Variants in CSMD3 observed in about 807,000 individuals in gnomAD.
CSMD3 encodes CUB and Sushi multiple domains 3.
In CSMD3, 177 loss-of-function variants were observed where a neutral mutation model predicts 435.2. The observed-to-expected ratio is 0.41, with a 90% CI of 0.36 to 0.46. The LOEUF (loss-of-function observed/expected upper bound fraction) is 0.46. Ranked by LOEUF, CSMD3 falls within the 20% of genes least tolerant of loss-of-function variation. The probability of loss-of-function intolerance (pLI) is 0.34; values close to 1 mark genes in which losing one functional copy is unlikely to be tolerated. For synonymous variants in CSMD3, 1,656 were observed against 1,520.5 expected, an observed-to-expected ratio of 1.09 and a Z score of -2.07; for missense variants, 4,265 against 4,504.6, an observed-to-expected ratio of 0.95 and a Z score of 1.52.
At chr8:112,513,797 T>C (rs1306527302) in intron 28 of CSMD3, among the ~76,000 whole-genome samples, 1 of 152,162 alleles carries the variant, frequency 6.6e-6, no homozygotes, top group African/African-American at 2.4e-5. Context: ...TAGCAAAATG[T>C]TCTTTGTGAT....
At chr8:112,698,695 A>G (rs112058057) in intron 13 of CSMD3, among the ~76,000 whole-genome samples, 2,928 of 152,280 alleles carry the variant, frequency 0.019, 53 homozygotes, top group Middle Eastern at 0.048. Flanking sequence ...GCAGAGTACA[A>G]CACATTGAAT....
intron 27 of CSMD3, among the ~76,000 whole-genome samples, chr8:112,540,774 T>C (rs1826593713): frequency 6.6e-6 from 1 of 151,950 alleles, no homozygotes; most frequent in Non-Finnish European, 1.5e-5. Context: ...TACTAGATAC[T>C]GGGAATTGCA....
chr8:112,396,517 G>A (rs1366358118), intron 35 of CSMD3, among the ~76,000 whole-genome samples: 1 of 152,126 alleles, frequency 6.6e-6, no homozygotes, highest in Non-Finnish European at 1.5e-5. Context: ...TTTAAGCAAG[G>A]AAACTATGCA....
At chr8:112,826,153 T>A (rs1319945886) in intron 12 of CSMD3, among the ~76,000 whole-genome samples, 2 of 152,160 alleles carry the variant, frequency 1.3e-5, no homozygotes, top group South Asian at 2.1e-4. Context: ...CTATGGGGGA[T>A]ACCTCTTGAG....
intron 32 of CSMD3, among the ~76,000 whole-genome samples, chr8:112,413,536 T>A (rs1386175877): frequency 6.6e-6 from 1 of 152,178 alleles, no homozygotes; most frequent in Non-Finnish European, 1.5e-5. Flanking sequence ...AAGAAACTCT[T>A]GAGCATTAGC....
chr8:112,738,613 G>A (rs1177228093), intron 13 of CSMD3, among the ~76,000 whole-genome samples: 2 of 151,642 alleles, frequency 1.3e-5, no homozygotes, highest in East Asian at 3.9e-4. Flanking sequence ...GAAAAAAATG[G>A]TTCTCAATAT....
At chr8:112,317,442 T>A (rs1376810409) in intron 47 of CSMD3, among the ~76,000 whole-genome samples, 1 of 152,012 alleles carries the variant, frequency 6.6e-6, no homozygotes, top group African/African-American at 2.4e-5. Flanking sequence ...TGACATATCC[T>A]GTGTCTGCTC....
At chr8:112,499,733 A>C (rs79523607) in intron 30 of CSMD3, among the ~76,000 whole-genome samples, 1,779 of 152,332 alleles carry the variant, frequency 0.012, 30 homozygotes, top group African/African-American at 0.041. Flanking sequence ...GAATAAAATT[A>C]TGATAAATCT....
At chr8:113,167,950 A>C (rs2092185912) in intron 4 of CSMD3, among the ~76,000 whole-genome samples, 1 of 152,202 alleles carries the variant, frequency 6.6e-6, no homozygotes, top group Non-Finnish European at 1.5e-5. Context: ...CTGTGCTAAA[A>C]CATTTTCTGA....
chr8:112,353,197 C>T (rs1383295197), intron 38 of CSMD3, among the ~76,000 whole-genome samples: 1 of 152,066 alleles, frequency 6.6e-6, no homozygotes, highest in East Asian at 1.9e-4. Flanking sequence ...TTGAGACCAG[C>T]CTGGCCACCG....
chr8:112,904,413 T>C (rs1048723800), intron 10 of CSMD3, among the ~76,000 whole-genome samples: 3 of 151,392 alleles, frequency 2.0e-5, no homozygotes, highest in African/African-American at 7.3e-5. Flanking sequence ...TCTGTTGATT[T>C]AAAACAAATA....
chr8:112,230,409 C>T lies in CSMD3; in HGVS notation c.10828+1136G>A, dbSNP rs1812979284. 7.2e-5 allele frequency among the ~76,000 whole-genome samples: 11 copies of T among 152,072 alleles called. No individual in the cohort carries two copies. In the South Asian group the frequency reaches 2.3e-3, roughly 32 times the overall value. On this transcript the variant is annotated intron_variant, in intron 69 of 70. Transcript: ENST00000297405. ...CATTTAACTAAACCTCATCTTTGTC[C>T]AGGTTAAAGAAAATTAGTATCTTAT...
intron 1 of CSMD3, among the ~76,000 whole-genome samples, chr8:113,373,479 C>T (rs7830103): frequency 0.93 from 142,035 of 152,036 alleles, 66,461 homozygotes; most frequent in East Asian, 1. Context: ...TGCTTAAATA[C>T]GTATATGTAT....
At chr8:112,434,755 A>C (rs1814127548) in intron 32 of CSMD3, among the ~76,000 whole-genome samples, 1 of 152,126 alleles carries the variant, frequency 6.6e-6, no homozygotes, top group Admixed American at 6.6e-5. Context: ...AATTTGCAAA[A>C]AAACACTTTA....
intron 32 of CSMD3, among the ~76,000 whole-genome samples, chr8:112,470,916 TA>T (rs1033700399): frequency 1.3e-5 from 2 of 151,682 alleles, no homozygotes; most frequent in African/African-American, 4.9e-5. Flanking sequence ...AAGATTCATT[TA>T]AAAAAAACAG....
chr8:112,809,030 G>A (rs1400386819), intron 12 of CSMD3, among the ~76,000 whole-genome samples: 1 of 143,410 alleles, frequency 7.0e-6, no homozygotes, highest in African/African-American at 2.4e-5. Context: ...TGTTAGCATT[G>A]TCAAAAATTA....
In CSMD3 at chr8:112,741,797, AT is replaced by A. The variant is rs1437639749; in HGVS notation, c.1973-51748del. Among the ~76,000 whole-genome samples the A allele has an allele frequency of 6.0e-3, 377 of 62,480 alleles. 3 individuals are homozygous for A. The highest frequency in any genetic ancestry group is 0.014 in the African/African-American group (356 of 25,618). The allele number at this position is 62,480 out of a possible 152,430, so 41.0% of individuals were successfully genotyped here. On this transcript the variant is annotated intron_variant, in intron 13 of 70. Coordinates refer to ENST00000297405, the MANE Select transcript of CSMD3 (RefSeq NM_198123.2). ...TGATAGATAGATAGATAGAGAGAAG[AT>A]AGATAGATAGATAGATAGATAGATA...
intron 29 of CSMD3, among the ~76,000 whole-genome samples, chr8:112,504,317 G>T (rs1822288934): frequency 6.6e-6 from 1 of 152,030 alleles, no homozygotes; most frequent in Non-Finnish European, 1.5e-5. Flanking sequence ...CCTTGTTTCT[G>T]CCCTTATTAG....
At chr8:113,343,843 G>A (rs1274128009) in intron 1 of CSMD3, among the ~76,000 whole-genome samples, 4 of 152,080 alleles carry the variant, frequency 2.6e-5, no homozygotes, top group Non-Finnish European at 4.4e-5. Flanking sequence ...AGGCTGAGGC[G>A]GGTGGATCAC....
Sources: allele counts gnomAD v4.1 joint callset (sites outside exome capture counted in the v4.1 genomes callset), GRCh38; gene constraint gnomAD v4.1.1; transcripts MANE v1.5; gene names NCBI Gene and HGNC (gene_info 2026-07-23, HGNC 2026-07-21).